ZFHX3: variants seen among roughly 807,000 people sequenced by gnomAD.
The protein encoded by ZFHX3 is zinc finger homeobox protein 3.
ZFHX3 carries 42 observed loss-of-function variants against 279.1 expected under a neutral mutation model. The observed-to-expected ratio is 0.15, with a 90% confidence interval of 0.12 to 0.19. ZFHX3 has a LOEUF of 0.19. ZFHX3 is among the 10% of genes least tolerant of loss of function. The probability of loss-of-function intolerance (pLI) is 1.00; values close to 1 mark genes in which losing one functional copy is unlikely to be tolerated. For synonymous variants in ZFHX3, 2,293 were observed against 1,957.8 expected (o/e 1.17, Z -4.52); for missense variants, 4,981 against 4,754.0 (o/e 1.05, Z -1.40).
At position 72,793,323 on chromosome 16, in the gene ZFHX3, C is replaced by T. The variant is rs1423315464; in HGVS notation, c.9359G>A (p.Gly3120Asp). ...GCCCGGGAGCAACACAGGAGGAATG[C>T]CCTGGAGCGCTGGATATGCTGTAGG... ...NLPTAYPALQ[G>D]IPPVLLPGLN... The change falls in exon 9 of 10, where the codon GGC becomes GAC. Residue 3120 changes from glycine to aspartate, a missense_variant. Around this residue, in one of 7 missense-constraint regions of ZFHX3, gnomAD observed 1,034 missense variants for 786.0 expected, o/e 1.32. Transcript: ENST00000268489. The surrounding 1 kb of genome is among the most constrained non-coding windows in gnomAD (Gnocchi z 4.3). The T allele has an allele frequency of 1.2e-6, 2 of 1,613,990 alleles. No individual in the cohort carries two copies. The highest frequency in any genetic ancestry group is 1.7e-6 in the Non-Finnish European group (2 of 1,180,014).
intron 3 of ZFHX3, among the ~76,000 whole-genome samples, chr16:73,403,679 G>A (rs2017303121): frequency 6.6e-6 from 1 of 152,216 alleles, no homozygotes; most frequent in Admixed American, 6.5e-5. Context: ...GCGGGCTGGA[G>A]GGAGCTGAGC....
chr16:73,717,817 A>G (rs938934221), intron 1 of ZFHX3, among the ~76,000 whole-genome samples: 1 of 152,102 alleles, frequency 6.6e-6, no homozygotes, highest in African/African-American at 2.4e-5. Flanking sequence ...TTTACGAGAC[A>G]TTGTTCCAGA....
intron 3 of ZFHX3, among the ~76,000 whole-genome samples, chr16:73,417,985 T>C (rs10781975): frequency 1.1e-5 from 1 of 93,758 alleles, no homozygotes; most frequent in East Asian, 2.6e-4. Flanking sequence ...CGAGACTCCA[T>C]CTCAAAAAAA....
At chr16:73,416,814 C>CAGT (rs1473204605) in intron 3 of ZFHX3, among the ~76,000 whole-genome samples, 2 of 148,768 alleles carry the variant, frequency 1.3e-5, no homozygotes, top group African/African-American at 4.9e-5. Flanking sequence ...GCGGAGCCTG[C>CAGT]AGTGAGCCGA....
intron 1 of ZFHX3, among the ~76,000 whole-genome samples, chr16:73,883,469 A>G (rs910047500): frequency 4.6e-5 from 7 of 151,946 alleles, no homozygotes; most frequent in Admixed American, 1.3e-4. Flanking sequence ...ATATATACAT[A>G]CAATCACACA....
intron 3 of ZFHX3, among the ~76,000 whole-genome samples, chr16:72,918,695 C>CTTTTT (rs568638106): frequency 2.3e-5 from 3 of 130,698 alleles, no homozygotes; most frequent in African/African-American, 8.4e-5. Context: ...AAAGGTAGTT[C>CTTTTT]TTTTTTTTTT....
chr16:73,530,483 A>G (rs977434136), intron 2 of ZFHX3, among the ~76,000 whole-genome samples: 4 of 152,200 alleles, frequency 2.6e-5, no homozygotes, highest in African/African-American at 4.8e-5. Context: ...AAAAGTTACA[A>G]TAGTTACAAA....
chr16:73,682,856 AAG>A (rs1204581933), intron 1 of ZFHX3, among the ~76,000 whole-genome samples: 7 of 24,628 alleles, frequency 2.8e-4, no homozygotes, highest in Admixed American at 5.8e-4. Flanking sequence ...AAGAAAGAGA[AAG>A]AAAGAAAGAA....
chr16:72,793,859 T>C lies in ZFHX3; in HGVS notation c.8823A>G (p.Gly2941=), dbSNP rs699444. The change falls in exon 9 of 10, where the codon GGA becomes GGG. Residue 2941 remains glycine, a synonymous_variant. Transcript: ENST00000268489. The surrounding 1 kb of genome is among the most constrained non-coding windows in gnomAD (Gnocchi z 4.3). ...SGSAGKSGDS[G]DRPGQKRFRT... is the part of the protein sequence containing the mutation. ...GAAAACGTTTCTGCCCAGGCCGATC[T>C]CCGCTGTCACCAGATTTGCCTGCAG... The C allele has an allele frequency of 0.85, 1,376,026 of 1,614,106 alleles. 588,256 individuals carry two copies. The highest frequency in any genetic ancestry group is 1 in the East Asian group (44,820 of 44,858).
chr16:73,582,354 T>C (rs2051871035), intron 2 of ZFHX3, among the ~76,000 whole-genome samples: 1 of 152,054 alleles, frequency 6.6e-6, no homozygotes, highest in African/African-American at 2.4e-5. Flanking sequence ...TTGTGATGTA[T>C]TCACTTCCAT....
chr16:72,869,194 T>G (rs962514574), intron 4 of ZFHX3, among the ~76,000 whole-genome samples: 12 of 152,178 alleles, frequency 7.9e-5, no homozygotes, highest in African/African-American at 2.4e-4. Flanking sequence ...GGCCTTACAT[T>G]TAAAAAATAC....
intron 5 of ZFHX3, among the ~76,000 whole-genome samples, chr16:73,220,326 A>G (rs928793972): frequency 6.6e-6 from 1 of 152,168 alleles, no homozygotes; most frequent in Non-Finnish European, 1.5e-5. Flanking sequence ...AAATATGCAC[A>G]TGAACCCCTG....
In ZFHX3 at chr16:73,548,467, C is replaced by CTT. The variant is rs544506701; in HGVS notation, c.-1546-92211_-1546-92210dup. 5.6e-3 allele frequency among the ~76,000 whole-genome samples: 783 copies of CTT among 138,636 alleles called. 13 individuals carry two copies. The East Asian group carries it at 0.058, about 10-fold the overall frequency. The allele number at this position is 138,636 out of a possible 152,430, so 91.0% of individuals were successfully genotyped here. Reference sequence around the variant, plus strand: ...ACTTTTGACACTTTGGGTGTTTAGCCTTTTTTTTTTTTAAAAAAAAGTGCA... The same window carrying CTT: ...ACTTTTGACACTTTGGGTGTTTAGCCTTTTTTTTTTTTTTAAAAAAAAGTGCA... On this transcript the variant is annotated intron_variant, in intron 2 of 17. Transcript: ENST00000641206.
rs1354179561 is a variant in ZFHX3 at position 72,925,806 on chromosome 16, C to G, written c.3216+24663G>C. Among the ~76,000 whole-genome samples the G allele has an allele frequency of 3.9e-5, 6 of 152,334 alleles. 1 individual carries two copies. In the South Asian group the frequency reaches 8.3e-4, roughly 21 times the overall value. ...CAGAGGGGCTGGAACGGGCACCAGC[C>G]AAGGGTGGGCAGTGACCATAGCTTT... On this transcript the variant is annotated intron_variant, in intron 3 of 9. Coordinates refer to ENST00000268489, the MANE Select transcript of ZFHX3 (RefSeq NM_006885.4).
chr16:73,148,404 A>C (rs1208122767), intron 5 of ZFHX3, among the ~76,000 whole-genome samples: 1 of 152,196 alleles, frequency 6.6e-6, no homozygotes, highest in African/African-American at 2.4e-5. Flanking sequence ...GTTGGTAGAA[A>C]TTCTACAGCA....
intron 5 of ZFHX3, among the ~76,000 whole-genome samples, chr16:73,160,834 A>C (rs1967216831): frequency 6.8e-6 from 1 of 147,906 alleles, no homozygotes; most frequent in South Asian, 2.1e-4. Context: ...TTAGAGGTAC[A>C]TAATATATTA....
intron 4 of ZFHX3, among the ~76,000 whole-genome samples, chr16:73,299,435 G>C (rs1377341988): frequency 1.3e-5 from 2 of 152,152 alleles, no homozygotes; most frequent in Non-Finnish European, 2.9e-5. Flanking sequence ...TAAAATCCCT[G>C]ACAGGGCCCA....
intron 3 of ZFHX3, among the ~76,000 whole-genome samples, chr16:73,440,575 G>T (rs1259381927): frequency 6.6e-6 from 1 of 152,196 alleles, no homozygotes; most frequent in Non-Finnish European, 1.5e-5. Flanking sequence ...AGTTGGATTT[G>T]TAAGTTGGAA....
At chr16:73,146,234 C>T (rs1325133937) in intron 5 of ZFHX3, among the ~76,000 whole-genome samples, 1 of 152,068 alleles carries the variant, frequency 6.6e-6, no homozygotes, top group Non-Finnish European at 1.5e-5. Flanking sequence ...TTGAGATCAT[C>T]CTGGCCAACA....
Sources: allele counts gnomAD v4.1 joint callset (sites outside exome capture counted in the v4.1 genomes callset), GRCh38; gene constraint gnomAD v4.1.1; regional missense constraint gnomAD v4.1.1; non-coding constraint Gnocchi (gnomAD v3.1); transcripts MANE v1.5; gene names NCBI Gene and HGNC (gene_info 2026-07-23, HGNC 2026-07-21).